Variants in DPP6 observed in about 807,000 individuals in gnomAD.
DPP6 encodes dipeptidyl peptidase like 6.
In DPP6, 69 loss-of-function variants were observed where a neutral mutation model predicts 122.6. The observed-to-expected ratio is 0.56, with a 90% CI of 0.46 to 0.69. The LOEUF (loss-of-function observed/expected upper bound fraction) is 0.69, where lower values mean the gene tolerates loss of function less well. Among genes scored for constraint, DPP6 ranks in the 30% least tolerant of loss-of-function variants. DPP6 has a pLI of 0.00. For synonymous variants in DPP6, 418 were observed against 433.1 expected (o/e 0.97, Z 0.43); for missense variants, 928 against 1,116.9 (o/e 0.83, Z 2.41).
intron 5 of DPP6, among the ~76,000 whole-genome samples, chr7:154,581,087 C>T (rs1459303771): frequency 6.6e-6 from 1 of 152,010 alleles, no homozygotes; most frequent in African/African-American, 2.4e-5. Context: ...TATATAAGAG[C>T]CCAGGTTGGC....
At chr7:154,716,079 T>A (rs952564871) in intron 7 of DPP6, among the ~76,000 whole-genome samples, 1 of 152,158 alleles carries the variant, frequency 6.6e-6, no homozygotes, top group Non-Finnish European at 1.5e-5. Flanking sequence ...TTCTTTTAGA[T>A]CTCATTTTTG....
intron 1 of DPP6, chr7:154,094,005 T>C (rs1323184559): frequency 6.6e-6 from 1 of 152,234 alleles, no homozygotes; most frequent in East Asian, 1.9e-4. Flanking sequence ...TCTGCAGCAA[T>C]TTCTAAGTCT....
the DPP6 span, among the ~76,000 whole-genome samples, chr7:153,857,322 T>TTCTCTC: frequency 0.085 from 10,551 of 124,324 alleles, 781 homozygotes; most frequent in South Asian, 0.14. Context: ...CTCAAAGGTT[T>TTCTCTC]TCTCTCTCTC....
intron 5 of DPP6, among the ~76,000 whole-genome samples, chr7:154,575,200 G>A (rs1400022831): frequency 8.0e-6 from 1 of 125,108 alleles, no homozygotes; most frequent in Non-Finnish European, 1.7e-5. Context: ...GGTGTGTGTG[G>A]TGTCTGTGGT....
At chr7:153,813,206 G>A in the DPP6 span, among the ~76,000 whole-genome samples, 1 of 146,430 alleles carries the variant, frequency 6.8e-6, no homozygotes, top group African/African-American at 2.5e-5. Flanking sequence ...TCCCCAGAGT[G>A]TGATGTTCCC....
chr7:154,132,720 C>CA (rs762806640), intron 1 of DPP6, among the ~76,000 whole-genome samples: 2 of 152,034 alleles, frequency 1.3e-5, no homozygotes, highest in African/African-American at 2.4e-5. Context: ...CCTTATTCAT[C>CA]AAAAAATCTT....
At chr7:154,381,806 TG>T (rs1179502081) in intron 1 of DPP6, among the ~76,000 whole-genome samples, 2 of 152,230 alleles carry the variant, frequency 1.3e-5, no homozygotes, top group Non-Finnish European at 2.9e-5. Context: ...TTTGCAATGG[TG>T]CAGGGCAACT....
At chr7:154,338,871 A>G (rs116710894) in intron 1 of DPP6, among the ~76,000 whole-genome samples, 2,390 of 152,188 alleles carry the variant, frequency 0.016, 71 homozygotes, top group African/African-American at 0.054. Context: ...ACCCCCCTGC[A>G]TGGCGGCGGG....
intron 1 of DPP6, among the ~76,000 whole-genome samples, chr7:153,929,903 C>T (rs1384987700): frequency 6.6e-6 from 1 of 152,154 alleles, no homozygotes; most frequent in Non-Finnish European, 1.5e-5. Flanking sequence ...ATGTTTTATT[C>T]TGACATCGTG....
At chr7:154,344,642 T>C (rs1227501104) in intron 1 of DPP6, among the ~76,000 whole-genome samples, 2 of 152,112 alleles carry the variant, frequency 1.3e-5, no homozygotes, top group Non-Finnish European at 2.9e-5. Context: ...AACCCCAGCT[T>C]CAAGATTTAG....
At chr7:154,805,875 C>T (rs147552402) in intron 15 of DPP6, among the ~76,000 whole-genome samples, 1 of 152,314 alleles carries the variant, frequency 6.6e-6, no homozygotes, top group Non-Finnish European at 1.5e-5. Context: ...GCCAGTTACA[C>T]CTAAAGGCAC....
chr7:154,868,466 T>A (rs1179031464), intron 18 of DPP6, among the ~76,000 whole-genome samples: 6 of 152,100 alleles, frequency 3.9e-5, no homozygotes, highest in Admixed American at 2.6e-4. Context: ...CATCAGCTGG[T>A]GGATTATGGG....
chr7:154,693,893 T>C (rs1444449399), intron 7 of DPP6, among the ~76,000 whole-genome samples: 1 of 152,092 alleles, frequency 6.6e-6, no homozygotes, highest in Non-Finnish European at 1.5e-5. Context: ...CCTTGTGGTG[T>C]GAGAGTAATA....
intron 8 of DPP6, among the ~76,000 whole-genome samples, chr7:154,757,903 C>T (rs529122496): frequency 5.9e-5 from 9 of 152,332 alleles, no homozygotes; most frequent in African/African-American, 2.2e-4. Context: ...GGAAGTGGCT[C>T]AGGGAGGTCG....
At chr7:153,855,277 AAT>A in the DPP6 span, among the ~76,000 whole-genome samples, 163 of 145,986 alleles carry the variant, frequency 1.1e-3, no homozygotes, top group South Asian at 1.6e-3. Context: ...CTATAAAAAA[AAT>A]ATTCTTTTTC....
chr7:153,890,339 C>T (rs1799133829), intron 1 of DPP6, among the ~76,000 whole-genome samples: 1 of 152,164 alleles, frequency 6.6e-6, no homozygotes, highest in African/African-American at 2.4e-5. Flanking sequence ...AATGTCAAAT[C>T]CAGTTCAGCC....
At position 154,336,716 on chromosome 7, in the gene DPP6, G is replaced by A. The variant is rs545824125; in HGVS notation, c.244-109498G>A. On this transcript the variant is annotated intron_variant, in intron 1 of 25. Transcript: ENST00000377770. ...TGAGTCAGGGAAGCAGCATGGAAGC[G>A]GCTTGGGTAGGATTGTGGCAACTGG... Among the ~76,000 whole-genome samples the A allele has an allele frequency of 6.4e-4, 98 of 152,308 alleles. No homozygotes were observed. The South Asian group carries it at 0.017, about 27-fold the overall frequency.
At chr7:153,935,010 T>A (rs987086551) in intron 1 of DPP6, among the ~76,000 whole-genome samples, 4 of 151,938 alleles carry the variant, frequency 2.6e-5, no homozygotes, top group Non-Finnish European at 4.4e-5. Context: ...TGGCTGGAGG[T>A]GCAGGGACAG....
rs571326339 is a variant in DPP6 at position 154,152,981 on chromosome 7, G to A, written c.243+99918G>A. Among the ~76,000 whole-genome samples, 206 of 152,358 alleles carry A rather than the reference G, an allele frequency of 1.4e-3. 1 individual carries two copies. Among genetic ancestry groups the A allele is most frequent in the East Asian group, 2.3e-3 (12 of 5,184 alleles). On this transcript the variant is annotated intron_variant, in intron 1 of 25. Coordinates refer to ENST00000377770, the MANE Select transcript of DPP6 (RefSeq NM_130797.4). ...CCCATGGCTGGACAAGCCAAGCTAA[G>A]TTTTCAGTGTACATAAAAAGCATAA... is the stretch of plus-strand genomic sequence containing the variant.
Sources: allele counts gnomAD v4.1 joint callset (sites outside exome capture counted in the v4.1 genomes callset), GRCh38; gene constraint gnomAD v4.1.1; transcripts MANE v1.5; gene names NCBI Gene and HGNC (gene_info 2026-07-23, HGNC 2026-07-21).